Variants in STPG2 observed in about 807,000 individuals in gnomAD.
The protein encoded by STPG2 is sperm tail PG-rich repeat containing 2.
In STPG2, 56 loss-of-function variants were observed where a neutral mutation model predicts 54.2. That is an observed-to-expected ratio of 1.03 (90% confidence interval 0.83 to 1.29). STPG2 has a LOEUF of 1.29. STPG2 is among the 50% of genes most tolerant of loss of function. STPG2 has a pLI of 0.00. For synonymous variants in STPG2, 200 were observed against 181.8 expected (o/e 1.10, Z -0.81); for missense variants, 596 against 544.9 (o/e 1.09, Z -0.93).
intron 10 of STPG2, among the ~76,000 whole-genome samples, chr4:97,634,675 G>A (rs1293132792): frequency 3.3e-5 from 5 of 151,824 alleles, no homozygotes; most frequent in African/African-American, 7.3e-5. Flanking sequence ...ACCAAGGCTC[G>A]AGAACTAGGT....
rs200072829 is a variant in STPG2 at position 97,619,680 on chromosome 4, TC to T, written c.1321-60564del. Among the ~76,000 whole-genome samples the T allele has an allele frequency of 3.3e-3, 498 of 152,154 alleles. 2 individuals carry two copies. The highest frequency in any genetic ancestry group is 0.011 in the African/African-American group (471 of 41,526). On this transcript the variant is annotated intron_variant, in intron 10 of 10. Coordinates refer to ENST00000295268, the MANE Select transcript of STPG2 (RefSeq NM_174952.3). ...ATATAATTTCCAGATTAAACATTTC[TC>T]CTTCAGAAGCCGTCTGTTAGTCATT...
intron 10 of STPG2, among the ~76,000 whole-genome samples, chr4:97,687,597 C>T (rs1723238465): frequency 6.6e-6 from 1 of 152,166 alleles, no homozygotes; most frequent in South Asian, 2.1e-4. Flanking sequence ...GCCTTGGCCT[C>T]CCAAAGTGCT....
intron 9 of STPG2, among the ~76,000 whole-genome samples, chr4:97,733,043 T>G (rs1724857437): frequency 6.6e-6 from 1 of 151,966 alleles, no homozygotes; most frequent in Non-Finnish European, 1.5e-5. Context: ...CCTTAAAGAG[T>G]TAAGAGTAGA....
rs116669027 is a variant in STPG2, at chr4:98,047,651, A to G, written c.612+58302T>C. ...AGCCAATCCCTCATGTAGGAGCTAT[A>G]AAAGTTGGAGCACTCAATACGTGAA... On this transcript the variant is annotated intron_variant, in intron 5 of 10. Coordinates refer to ENST00000295268, the MANE Select transcript of STPG2 (RefSeq NM_174952.3). Among the ~76,000 whole-genome samples the G allele has an allele frequency of 7.8e-3, 1,182 of 152,264 alleles. 14 individuals are homozygous for G. The highest frequency in any genetic ancestry group is 0.025 in the African/African-American group (1,044 of 41,552).
chr4:98,060,065 C>A (rs1737596441), intron 5 of STPG2, among the ~76,000 whole-genome samples: 1 of 152,108 alleles, frequency 6.6e-6, no homozygotes, highest in South Asian at 2.1e-4. Flanking sequence ...CTAGCCAGAG[C>A]AATCAGGCAA....
intron 5 of STPG2, among the ~76,000 whole-genome samples, chr4:97,995,881 G>C: frequency 6.6e-6 from 1 of 152,064 alleles, no homozygotes; most frequent in East Asian, 1.9e-4. Context: ...GGATAATGGA[G>C]GCAGATTTCT....
At chr4:98,051,726 G>A (rs138412833) in intron 5 of STPG2, among the ~76,000 whole-genome samples, 3 of 151,982 alleles carry the variant, frequency 2.0e-5, no homozygotes, top group African/African-American at 7.2e-5. Context: ...GATTTTGGAG[G>A]TTCTGCATAT....
At chr4:97,902,051 A>C (rs1004261722) in intron 8 of STPG2, among the ~76,000 whole-genome samples, 8 of 152,124 alleles carry the variant, frequency 5.3e-5, no homozygotes, top group Non-Finnish European at 8.8e-5. Flanking sequence ...AATGAATGAT[A>C]TAGAAAGGAT....
At chr4:97,582,315 A>G (rs1220662791) in intron 10 of STPG2, among the ~76,000 whole-genome samples, 6 of 152,102 alleles carry the variant, frequency 3.9e-5, no homozygotes, top group Non-Finnish European at 5.9e-5. Context: ...TTAGAAAATC[A>G]ATTCAGTGAT....
chr4:98,058,367 T>C lies in STPG2; in HGVS notation c.612+47586A>G, dbSNP rs552168301. Among the ~76,000 whole-genome samples, 6 of 152,148 alleles carry C rather than the reference T, an allele frequency of 3.9e-5. 1 individual carries two copies. In the East Asian group the frequency reaches 1.2e-3, roughly 29 times the overall value. On this transcript the variant is annotated intron_variant, in intron 5 of 10. Transcript: ENST00000295268. ...CTCAAAATACAAGGATGGAGGAAAATCTACCAAACAAATGGAAAACAGAAG... is the reference window on the plus strand; with the variant it reads ...CTCAAAATACAAGGATGGAGGAAAACCTACCAAACAAATGGAAAACAGAAG...
chr4:97,835,342 C>T (rs916534566), intron 9 of STPG2, among the ~76,000 whole-genome samples: 8 of 152,062 alleles, frequency 5.3e-5, no homozygotes, highest in South Asian at 2.1e-4. Context: ...TGCCAGAAAA[C>T]GCATGAATAA....
intron 10 of STPG2, among the ~76,000 whole-genome samples, chr4:97,697,675 A>C (rs113155211): frequency 0.012 from 1,824 of 152,232 alleles, 32 homozygotes; most frequent in African/African-American, 0.042. Flanking sequence ...CCATAAACAA[A>C]ATCCCTGCAG....
At chr4:97,523,828 T>C (rs2148848571) in intron 4 of STPG2, among the ~76,000 whole-genome samples, 1 of 152,128 alleles carries the variant, frequency 6.6e-6, no homozygotes, top group South Asian at 2.1e-4. Flanking sequence ...CAGCACTTAA[T>C]GCTGGCAAAA....
intron 6 of STPG2, among the ~76,000 whole-genome samples, chr4:97,977,767 G>A (rs1407090266): frequency 2.0e-5 from 3 of 152,128 alleles, no homozygotes; most frequent in African/African-American, 7.2e-5. Flanking sequence ...ACAATTATAC[G>A]AAGTGTATTA....
intron 9 of STPG2, among the ~76,000 whole-genome samples, chr4:97,741,229 C>T (rs1339614065): frequency 6.6e-6 from 1 of 152,102 alleles, no homozygotes; most frequent in Admixed American, 6.6e-5. Context: ...GGACTAAAGA[C>T]TTAAACATTA....
intron 9 of STPG2, among the ~76,000 whole-genome samples, chr4:97,812,257 A>T (rs1030346654): frequency 1.3e-5 from 2 of 152,202 alleles, no homozygotes; most frequent in African/African-American, 2.4e-5. Context: ...ATGGCCTAAG[A>T]TTCAAAAAAT....
intron 4 of STPG2, among the ~76,000 whole-genome samples, chr4:97,459,431 T>C (rs955658266): frequency 7.2e-6 from 1 of 139,770 alleles, no homozygotes; most frequent in Non-Finnish European, 1.5e-5. Flanking sequence ...AGGATGCCTG[T>C]TTTTTTTTGT....
chr4:97,885,814 T>C (rs779978608), intron 8 of STPG2, among the ~76,000 whole-genome samples: 2 of 152,110 alleles, frequency 1.3e-5, no homozygotes, highest in Non-Finnish European at 2.9e-5. Context: ...CATATTGTGG[T>C]ACAACTGTAA....
intron 3 of STPG2, among the ~76,000 whole-genome samples, chr4:98,117,577 C>G (rs781641293): frequency 1.2e-4 from 18 of 151,936 alleles, no homozygotes; most frequent in Non-Finnish European, 2.4e-4. Context: ...TCGACAGTGT[C>G]CCCTAGATCT....
Sources: allele counts gnomAD v4.1 joint callset (sites outside exome capture counted in the v4.1 genomes callset), GRCh38; gene constraint gnomAD v4.1.1; transcripts MANE v1.5; gene names NCBI Gene and HGNC (gene_info 2026-07-23, HGNC 2026-07-21).